ATP5PB: variants seen among roughly 807,000 people sequenced by gnomAD.
The protein encoded by ATP5PB is ATP synthase peripheral stalk-membrane subunit b.
ATP5PB carries 21 observed loss-of-function variants against 34.5 expected under a neutral mutation model. The ratio of observed to expected loss-of-function variants is 0.61; its 90% CI spans 0.43 to 0.88. The LOEUF is 0.88. Ranked by LOEUF, ATP5PB falls within the 40% of genes least tolerant of loss-of-function variation. The pLI, the probability that ATP5PB is intolerant of heterozygous loss-of-function variation, is 0.00. For synonymous variants in ATP5PB, 108 were observed against 114.1 expected (o/e 0.95, Z 0.34); for missense variants, 293 against 317.4 (o/e 0.92, Z 0.58).
intron 3 of ATP5PB, among the ~76,000 whole-genome samples, chr1:111,454,796 A>C (rs1414743396): frequency 6.6e-6 from 1 of 152,146 alleles, no homozygotes; most frequent in Admixed American, 6.5e-5. Flanking sequence ...GATTGCTCCA[A>C]CTTGTCTTTG....
Position 111,459,572 on chromosome 1 carries a change from AG to A in ATP5PB, c.631del (p.Glu211AsnfsTer5), listed in dbSNP as rs780075681. The A allele has an allele frequency of 4.3e-6, 7 of 1,614,010 alleles. No individual in the cohort carries two copies. In the South Asian group the frequency reaches 5.5e-5, roughly 13 times the overall value. On this transcript the variant is annotated frameshift_variant, in exon 6 of 7. Transcript: ENST00000369722. LOFTEE classifies it high-confidence loss of function. ...TCTGTGCAGAACATGATGCGTCGAAAGGAACAAGAACACATGATAAATTGGG... is the reference window on the plus strand; with the variant it reads ...TCTGTGCAGAACATGATGCGTCGAAAGAACAAGAACACATGATAAATTGGG... ...HISVQNMMRRKEQEHMINWVE... is the reference protein window; with the variant it reads ...HISVQNMMRRXEQEHMINWVE...
rs1204972686 is a variant in ATP5PB, at chr1:111,454,462, G to GTTTT, written c.223+108_223+109insTTTT. 1.4e-3 allele frequency: 1,993 copies of GTTTT among 1,421,276 alleles called. 27 individuals carry two copies. In the African/African-American group the frequency reaches 0.027, roughly 20 times the overall value. The allele number at this position is 1,421,276 out of a possible 1,614,324, so 88.0% of individuals were successfully genotyped here. ...TTTTGTTGTTGTTGTTGTTGTTGTT[G>GTTTT]TTGTTGTTTTTTGAGACAGGGTATT... On this transcript the variant is annotated intron_variant, in intron 3 of 6. Coordinates refer to ENST00000369722, the MANE Select transcript of ATP5PB (RefSeq NM_001688.5).
Position 111,456,732 on chromosome 1 carries a change from CATTACCTTTTTG to C in ATP5PB, c.493_504del (p.Tyr165_Asp168del). 6.2e-7 allele frequency: 1 copy of C among 1,611,280 alleles called. No homozygotes were observed. The highest frequency in any genetic ancestry group is 1.1e-5 in the South Asian group (1 of 90,544). On this transcript the variant is annotated inframe_deletion, in exon 5 of 7. Transcript: ENST00000369722. ...ACAACAGGCACTGGTTCAGAAGCGC[CATTACCTTTTTG>C]ATGTGCAAAGGGTAGGTTTCAGAAG...
rs116772488 is a variant in ATP5PB at position 111,454,821 on chromosome 1, G to C, written c.223+465G>C. Among the ~76,000 whole-genome samples, 632 of 152,282 alleles carry C rather than the reference G, an allele frequency of 4.2e-3. 4 individuals carry two copies. The highest frequency in any genetic ancestry group is 0.015 in the African/African-American group (608 of 41,532). ...ACTTGTCTTTGGTATAAATTTATTT[G>C]GGATTTTAACTTAATTTTACAGCAT... On this transcript the variant is annotated intron_variant, in intron 3 of 6. Coordinates refer to ENST00000369722, the MANE Select transcript of ATP5PB (RefSeq NM_001688.5).
chr1:111,454,259 C>G lies in ATP5PB; in HGVS notation c.126C>G (p.Val42=). Residue 42 remains valine, a synonymous_variant, in exon 3 of 7, where the codon GTC becomes GTG. Coordinates refer to ENST00000369722, the MANE Select transcript of ATP5PB (RefSeq NM_001688.5). ...RTFHTGQPHL[V]PVPPLPEYGG... ...TTCATACAGGGCAGCCACACCTTGT[C>G]CCTGTACCACCTCTTCCTGAATACG... is the stretch of plus-strand genomic sequence containing the variant. The G allele has an allele frequency of 6.2e-7, 1 of 1,612,798 alleles. No individual in the cohort carries two copies. The highest frequency in any genetic ancestry group is 8.5e-7 in the Non-Finnish European group (1 of 1,179,596).
At position 111,456,184 on chromosome 1, in the gene ATP5PB, G is replaced by A. The variant is rs753627949; in HGVS notation, c.322G>A (p.Val108Ile). The A allele has an allele frequency of 1.2e-6, 2 of 1,612,394 alleles. No individual in the cohort carries two copies. Among genetic ancestry groups the A allele is most frequent in the East Asian group, 4.5e-5 (2 of 44,778 alleles). Residue 108 changes from valine to isoleucine, a missense_variant, in exon 4 of 7, where the codon GTA becomes ATA. Transcript: ENST00000369722. ...ETFTALSVLG[V>I]MVYGIKKYGP... ...CTTCACTGCCCTATCAGTACTAGGT[G>A]TAATGGTCTATGGAATTAAAAAATA...
intron 2 of ATP5PB, among the ~76,000 whole-genome samples, chr1:111,452,013 G>T (rs1488562752): frequency 6.6e-6 from 1 of 152,050 alleles, no homozygotes; most frequent in Non-Finnish European, 1.5e-5. Flanking sequence ...CAGCTATTGG[G>T]AAGGCTGAGG....
intron 2 of ATP5PB, among the ~76,000 whole-genome samples, chr1:111,453,749 A>G (rs1195950582): frequency 6.6e-6 from 1 of 152,330 alleles, no homozygotes; most frequent in African/African-American, 2.4e-5. Context: ...CACGTCACAT[A>G]TATTAACTCA....
chr1:111,455,282 A>G (rs1400404275), intron 3 of ATP5PB, among the ~76,000 whole-genome samples: 1 of 152,126 alleles, frequency 6.6e-6, no homozygotes, highest in East Asian at 1.9e-4. Flanking sequence ...TTGCAAATTC[A>G]TATTTAAAAT....
Position 111,459,207 on chromosome 1 carries a change from GGGAATACAA to G in ATP5PB, c.514-248_514-240del, listed in dbSNP as rs1348204457. ...ATATTTTTATTAAATATTTCTGGGA[GGGAATACAA>G]GAAATACAGGAAGTTAATGGCCTAT... On this transcript the variant is annotated intron_variant, in intron 5 of 6. Coordinates refer to ENST00000369722, the MANE Select transcript of ATP5PB (RefSeq NM_001688.5). 2.0e-5 allele frequency among the ~76,000 whole-genome samples: 3 copies of G among 152,148 alleles called. No homozygotes were observed. In the East Asian group the frequency reaches 5.8e-4, roughly 29 times the overall value.
chr1:111,452,444 TCCCAGCTA>T (rs1342290599), intron 2 of ATP5PB, among the ~76,000 whole-genome samples: 16 of 152,142 alleles, frequency 1.1e-4, no homozygotes, highest in African/African-American at 3.9e-4. Flanking sequence ...ACGCCTGTAA[TCCCAGCTA>T]CTCAGCTACT....
rs17027711 is a variant in ATP5PB at position 111,461,377 on chromosome 1, C to A, written c.*383C>A. On this transcript the variant is annotated 3_prime_UTR_variant, in exon 7 of 7. Transcript: ENST00000369722. Reference sequence around the variant, plus strand: ...ATTCTCTGAAATACTCAGCTTTTGTCATATGGGTAAAAATTAAAGATGTCA... The same window carrying A: ...ATTCTCTGAAATACTCAGCTTTTGTAATATGGGTAAAAATTAAAGATGTCA... 2,155 of 182,004 alleles carry A rather than the reference C, an allele frequency of 0.012. 50 individuals carry two copies. The highest frequency in any genetic ancestry group is 0.048 in the African/African-American group (2,035 of 42,016). 11.3% of individuals were successfully genotyped at this position (182,004 alleles called of 1,614,324 possible).
chr1:111,454,328 G>T lies in ATP5PB; in HGVS notation c.195G>T (p.Gln65His), dbSNP rs1374833701. 6.2e-7 allele frequency: 1 copy of T among 1,609,374 alleles called. No individual in the cohort carries two copies. The highest frequency in any genetic ancestry group is 8.5e-7 in the Non-Finnish European group (1 of 1,178,550). The change falls in exon 3 of 7, where the codon CAG becomes CAT. Residue 65 changes from glutamine to histidine, a missense_variant. By Grantham distance (24) the Gln-to-His change is conservative. Coordinates refer to ENST00000369722, the MANE Select transcript of ATP5PB (RefSeq NM_001688.5). Reference sequence around the variant, plus strand: ...GACTGATCCCTGAGGAATTCTTCCAGTTTCTTTATCCTAAAACTGGTGTAA... The same window carrying T: ...GACTGATCCCTGAGGAATTCTTCCATTTTCTTTATCCTAAAACTGGTGTAA... Reference protein sequence around the residue: ...RYGLIPEEFFQFLYPKTGVTG... With the variant: ...RYGLIPEEFFHFLYPKTGVTG...
At position 111,462,525 on chromosome 1, in the gene ATP5PB, T is replaced by G. The variant is rs1302386464; in HGVS notation, c.*1531T>G. 6.6e-6 allele frequency: 1 copy of G among 152,246 alleles called. No homozygotes were observed. The highest frequency in any genetic ancestry group is 2.4e-5 in the African/African-American group (1 of 41,460). The allele number at this position is 152,246 out of a possible 1,614,324, so 9.4% of individuals were successfully genotyped here. A position where few individuals can be genotyped will look rare whatever the true frequency, so the allele number is the denominator to read the frequency against. On this transcript the variant is annotated 3_prime_UTR_variant, in exon 7 of 7. Transcript: ENST00000369722. ...GGTTTATCTGCATTTGATTCTCCCATACTTGTACAAGGATTTATTTGTATT... is the reference window on the plus strand; with the variant it reads ...GGTTTATCTGCATTTGATTCTCCCAGACTTGTACAAGGATTTATTTGTATT...
intron 2 of ATP5PB, among the ~76,000 whole-genome samples, chr1:111,450,511 TC>T (rs1213192428): frequency 8.5e-5 from 13 of 152,208 alleles, no homozygotes; most frequent in African/African-American, 3.1e-4. Context: ...CTCAATTTCC[TC>T]ATCTATAAAA....
At chr1:111,451,226 A>G (rs1167423192) in intron 2 of ATP5PB, among the ~76,000 whole-genome samples, 1 of 152,154 alleles carries the variant, frequency 6.6e-6, no homozygotes, top group Non-Finnish European at 1.5e-5. Context: ...TCTTGACACC[A>G]TCTCCTTGTG....
Position 111,456,701 on chromosome 1 carries a change from G to A in ATP5PB, c.459G>A (p.Glu153=), listed in dbSNP as rs201572368. 5 of 1,613,576 alleles carry A rather than the reference G, an allele frequency of 3.1e-6. No individual in the cohort carries two copies. The highest frequency in any genetic ancestry group is 3.4e-6 in the Non-Finnish European group (4 of 1,179,844). The part of the protein sequence containing the change: ...IQHIQNAIDT[E]KSQQALVQKR... ...ACATCCAGAATGCAATTGATACGGAGAAGTCACAACAGGCACTGGTTCAGA... is the reference window on the plus strand; with the variant it reads ...ACATCCAGAATGCAATTGATACGGAAAAGTCACAACAGGCACTGGTTCAGA... Residue 153 remains glutamate, a synonymous_variant, in exon 5 of 7, where the codon GAG becomes GAA. Coordinates refer to ENST00000369722, the MANE Select transcript of ATP5PB (RefSeq NM_001688.5).
intron 2 of ATP5PB, among the ~76,000 whole-genome samples, chr1:111,450,186 T>C (rs1653277584): frequency 6.6e-6 from 1 of 152,218 alleles, no homozygotes; most frequent in Non-Finnish European, 1.5e-5. Context: ...TTCCACAGCC[T>C]GAATCCGAGT....
chr1:111,449,700 A>T, intron 1 of ATP5PB, 119 bp downstream of exon 1: 1 of 1,552,794 alleles, frequency 6.4e-7, no homozygotes, highest in East Asian at 2.2e-5. Context: ...TGGTCAGTGC[A>T]GTTCGGAAGG....
Sources: gnomAD v4.1 joint callset for allele counts (sites outside exome capture counted in the v4.1 genomes callset) on GRCh38, gnomAD v4.1.1 for gene constraint, MANE v1.5 for transcripts, NCBI Gene and HGNC (gene_info 2026-07-23, HGNC 2026-07-21) for gene names.